The following MYPN variants were observed in gnomAD, a reference collection of about 807,000 sequenced individuals.
MYPN encodes sarcomeric protein myopalladin, 145 kDa (MYOP).
A neutral mutation model predicts 129.4 loss-of-function variants in MYPN; 63 were observed. The observed-to-expected ratio is 0.49, with a 90% CI of 0.40 to 0.60. The LOEUF is 0.60. MYPN is among the 20% of genes least tolerant of loss of function. The pLI is 0.00. For missense variants in MYPN, 1,596 were observed against 1,635.4 expected (o/e 0.98, Z 0.42); for synonymous variants, 629 against 600.9 (o/e 1.05, Z -0.68).
At chr10:68,209,688 T>G (rs2043875961) in intron 19 of MYPN, among the ~76,000 whole-genome samples, 3 of 122,428 alleles carry the variant, frequency 2.5e-5, no homozygotes, top group African/African-American at 5.8e-5. Context: ...TTTTTTTTTT[T>G]GTTTGTTTTT....
intron 14 of MYPN, 35 bp downstream of exon 14, chr10:68,194,547 T>A (rs371119803): frequency 6.2e-7 from 1 of 1,609,848 alleles, no homozygotes; most frequent in Non-Finnish European, 8.5e-7. Flanking sequence ...TGCTGCACTC[T>A]GAGGAAGGAG....
chr10:68,149,583 G>A (rs1446355597), intron 5 of MYPN, among the ~76,000 whole-genome samples: 1 of 152,060 alleles, frequency 6.6e-6, no homozygotes, highest in Non-Finnish European at 1.5e-5. Flanking sequence ...ACAGCTGTGA[G>A]CCACCATACC....
chr10:68,169,360 A>G (rs994405356), intron 10 of MYPN, among the ~76,000 whole-genome samples: 1 of 79,122 alleles, frequency 1.3e-5, no homozygotes, highest in African/African-American at 5.6e-5. Flanking sequence ...TCCGTCTCAA[A>G]TTAAAAAAAA....
At chr10:68,107,631 G>A (rs1035146968), upstream of MYPN, among the ~76,000 whole-genome samples, 4 of 151,968 alleles carry the variant, frequency 2.6e-5, no homozygotes, top group Admixed American at 6.6e-5. Flanking sequence ...GATTACAGGC[G>A]TGATCCCCCG....
chr10:68,172,819 T>A (rs2043163275), intron 10 of MYPN, among the ~76,000 whole-genome samples: 1 of 152,180 alleles, frequency 6.6e-6, no homozygotes, highest in African/African-American at 2.4e-5. Flanking sequence ...GCGCCTGTAA[T>A]CCCACCAGTT....
chr10:68,129,069 G>A (rs1019805941), intron 2 of MYPN, among the ~76,000 whole-genome samples: 2 of 151,784 alleles, frequency 1.3e-5, no homozygotes, highest in African/African-American at 2.4e-5. Flanking sequence ...CCTAGAGCAG[G>A]CTACTCAAAG....
chr10:68,117,805 TATAGTA>T (rs1349989109), intron 1 of MYPN, among the ~76,000 whole-genome samples: 1 of 151,154 alleles, frequency 6.6e-6, no homozygotes, highest in Non-Finnish European at 1.5e-5. Flanking sequence ...TTATTATTAT[TATAGTA>T]ATAGTAACTT....
chr10:68,121,777 T>C lies in MYPN; in HGVS notation c.339T>C (p.Phe113=), dbSNP rs773471286. The change falls in exon 2 of 20, where the codon TTT becomes TTC. Residue 113 remains phenylalanine, a synonymous_variant. Transcript: ENST00000358913. ...TGAAACACTCACCTAATTTAAGTTT[T>C]GAGCCTAACTTCTGCCAGGATAACC... ...DQMKHSPNLS[F]EPNFCQDNPR... is the part of the protein sequence containing the mutation. 1.2e-5 allele frequency: 19 copies of C among 1,614,126 alleles called. No individual in the cohort carries two copies. The highest frequency in any genetic ancestry group is 3.3e-5 in the Admixed American group (2 of 60,000).
In MYPN at chr10:68,193,308, C is replaced by T. The variant is rs192811251; in HGVS notation, c.2926-1055C>T. Reference sequence around the variant, plus strand: ...CAGGAATGAGATCATTAAATAGTCACGCTAAAAAGAAATCAGACTTATGGG... The same window carrying T: ...CAGGAATGAGATCATTAAATAGTCATGCTAAAAAGAAATCAGACTTATGGG... On this transcript the variant is annotated intron_variant, in intron 13 of 19. Transcript: ENST00000358913. Among the ~76,000 whole-genome samples the T allele has an allele frequency of 9.5e-4, 144 of 152,068 alleles. 1 individual carries two copies. The highest frequency in any genetic ancestry group is 3.9e-3 in the East Asian group (20 of 5,182).
intron 2 of MYPN, chr10:68,136,784 A>G (rs932964147): frequency 6.7e-7 from 1 of 1,492,060 alleles, no homozygotes; most frequent in African/African-American, 1.4e-5. Context: ...TAATGTTTGT[A>G]TAATGGAAAG....
rs780545084 is a variant in MYPN at position 68,199,585 on chromosome 10, G to T, written c.3493+10G>T. 9.5e-6 allele frequency: 15 copies of T among 1,582,436 alleles called. No individual in the cohort carries two copies. In the African/African-American group the frequency reaches 2.1e-4, roughly 23 times the overall value. On this transcript the variant is annotated intron_variant, in intron 17 of 19. Coordinates refer to ENST00000358913, the MANE Select transcript of MYPN (RefSeq NM_032578.4). ...GAGCTCTCTGTAGTAGGTAAGGTTT[G>T]CTGCTGGGACCCCTAAACACAACTT...
chr10:68,177,870 G>C (rs1401911282), intron 12 of MYPN, among the ~76,000 whole-genome samples: 1 of 152,176 alleles, frequency 6.6e-6, no homozygotes, highest in African/African-American at 2.4e-5. Flanking sequence ...CCAGAAAGCT[G>C]GGTTCTCTTG....
At chr10:68,119,509 C>T (rs1373982062) in intron 1 of MYPN, among the ~76,000 whole-genome samples, 1 of 151,996 alleles carries the variant, frequency 6.6e-6, no homozygotes, top group Non-Finnish European at 1.5e-5. Context: ...TTCCCAGGTT[C>T]AAGTAATTAT....
chr10:68,201,874 A>C lies in MYPN; in HGVS notation c.3539A>C (p.Asn1180Thr). 6.2e-7 allele frequency: 1 copy of C among 1,614,172 alleles called. No individual in the cohort carries two copies. The highest frequency in any genetic ancestry group is 8.5e-7 in the Non-Finnish European group (1 of 1,180,036). ...CCTGTGATCCTGGAGAAACTACAGA[A>C]CTGCGGTGTTCCCGAAGGCCACCCC... ...KAPVILEKLQ[N>T]CGVPEGHPVR... is the part of the protein sequence containing the mutation. The change falls in exon 18 of 20, where the codon AAC becomes ACC. Residue 1180 changes from asparagine (N) to threonine (T), a missense_variant. Asn to Thr is a moderately conservative substitution (Grantham distance 65). Coordinates refer to ENST00000358913, the MANE Select transcript of MYPN (RefSeq NM_032578.4).
chr10:68,089,767 T>G (rs1452084975), intron 1 of MYPN, among the ~76,000 whole-genome samples: 3 of 152,230 alleles, frequency 2.0e-5, no homozygotes, highest in African/African-American at 7.2e-5. Context: ...CTCCAGTCTC[T>G]GTTTTCAGTG....
upstream of MYPN, among the ~76,000 whole-genome samples, chr10:68,107,847 T>G (rs974270328): frequency 7.2e-5 from 11 of 152,208 alleles, no homozygotes; most frequent in Non-Finnish European, 1.2e-4. Context: ...AAAATGTGTT[T>G]ACTTATAGTG....
chr10:68,114,042 C>T (rs907160049), intron 1 of MYPN, among the ~76,000 whole-genome samples: 3 of 152,192 alleles, frequency 2.0e-5, no homozygotes, highest in African/African-American at 4.8e-5. Context: ...ACCAACATCT[C>T]GGCATTCCTC....
upstream of MYPN, among the ~76,000 whole-genome samples, chr10:68,107,068 A>G (rs2042020543): frequency 6.6e-6 from 1 of 152,230 alleles, no homozygotes; most frequent in African/African-American, 2.4e-5. Flanking sequence ...TTTGTGATAT[A>G]ATGTTTATAC....
intron 9 of MYPN, 125 bp from the exon 10 acceptor site, chr10:68,166,169 T>A: frequency 1.8e-6 from 2 of 1,101,816 alleles, no homozygotes; most frequent in South Asian, 1.3e-5. Context: ...CAGATGATGA[T>A]CTGTTTTTGA....
Sources: allele counts gnomAD v4.1 joint callset (sites outside exome capture counted in the v4.1 genomes callset), GRCh38; gene constraint gnomAD v4.1.1; transcripts MANE v1.5; gene names NCBI Gene and HGNC (gene_info 2026-07-23, HGNC 2026-07-21).